The following THUMPD2 variants were observed in gnomAD, a reference collection of about 807,000 sequenced individuals.
THUMPD2 encodes U6 snRNA (guanine-N(2))-methyltransferase THUMPD2.
A neutral mutation model predicts 49.4 loss-of-function variants in THUMPD2; 56 were observed. The ratio of observed to expected loss-of-function variants is 1.13; its 90% CI spans 0.91 to 1.41. The LOEUF (loss-of-function observed/expected upper bound fraction) is 1.41, where lower values mean the gene tolerates loss of function less well. Among genes scored for constraint, THUMPD2 ranks in the 40% most tolerant of loss-of-function variants. The pLI, the probability that THUMPD2 is intolerant of heterozygous loss-of-function variation, is 0.00. For missense variants in THUMPD2, 709 were observed against 594.5 expected (o/e 1.19, Z -2.00); for synonymous variants, 237 against 205.2 (o/e 1.15, Z -1.32).
At position 39,769,881 on chromosome 2, in the gene THUMPD2, T is replaced by C; in HGVS notation, c.501A>G (p.Ile167Met). The part of the protein sequence containing the change: ...ENRDCQLEKQ[I>M]KEETLEQRDF... Reference sequence around the variant, plus strand: ...CTCTTTGCTCCAGAGTTTCTTCTTTTATTTGTTTTTCCAGCTGGCAGTCCC... The same window carrying C: ...CTCTTTGCTCCAGAGTTTCTTCTTTCATTTGTTTTTCCAGCTGGCAGTCCC... Residue 167 changes from isoleucine to methionine, a missense_variant, in exon 3 of 10, where the codon ATA becomes ATG. Transcript: ENST00000505747. 1.2e-6 allele frequency: 2 copies of C among 1,600,340 alleles called. No individual in the cohort carries two copies. The highest frequency in any genetic ancestry group is 1.1e-5 in the South Asian group (1 of 87,594).
intron 6 of THUMPD2, among the ~76,000 whole-genome samples, chr2:39,759,224 A>C (rs767740069): frequency 6.6e-6 from 1 of 152,148 alleles, no homozygotes; most frequent in Admixed American, 6.5e-5. Context: ...GCAATAATTA[A>C]ATAATGGAAG....
At chr2:39,760,511 T>C (rs188172630) in intron 6 of THUMPD2, among the ~76,000 whole-genome samples, 1 of 152,044 alleles carries the variant, frequency 6.6e-6, no homozygotes, top group African/African-American at 2.4e-5. Flanking sequence ...GTGTGAGAAG[T>C]TATGAACAGA....
chr2:39,737,031 A>G lies in THUMPD2; in HGVS notation c.1216T>C (p.Leu406=). 2 of 1,611,318 alleles carry G rather than the reference A, an allele frequency of 1.2e-6. No individual in the cohort carries two copies. Among genetic ancestry groups the G allele is most frequent in the Non-Finnish European group, 8.5e-7 (1 of 1,177,794 alleles). The part of the protein sequence containing the change: ...RVLHVGGTIV[L]LLSEDHHRRL... ...CTGTGGTGATCTTCACTAAGCAACA[A>G]TACAATGGTTCCGCCAACATGAAGC... Residue 406 remains leucine, a synonymous_variant, in exon 10 of 10, where the codon TTG becomes CTG. Transcript: ENST00000505747.
chr2:39,739,873 T>A (rs941932927), intron 9 of THUMPD2, among the ~76,000 whole-genome samples: 1 of 152,170 alleles, frequency 6.6e-6, no homozygotes, highest in Non-Finnish European at 1.5e-5. Context: ...GAAGTAACTT[T>A]TTGGGGCAAC....
intron 6 of THUMPD2, among the ~76,000 whole-genome samples, chr2:39,759,425 C>T (rs1346501429): frequency 1.3e-5 from 2 of 151,962 alleles, no homozygotes; most frequent in Admixed American, 1.3e-4. Context: ...AATGCTAATT[C>T]ATTTAATCTT....
chr2:39,777,810 G>A (rs183656093), intron 1 of THUMPD2, among the ~76,000 whole-genome samples: 11 of 152,254 alleles, frequency 7.2e-5, no homozygotes, highest in Admixed American at 3.3e-4. Flanking sequence ...TGGTAATAAA[G>A]TTTTCCCCAT....
At chr2:39,740,330 TAAC>T (rs1216419542) in intron 9 of THUMPD2, among the ~76,000 whole-genome samples, 1 of 152,218 alleles carries the variant, frequency 6.6e-6, no homozygotes, top group African/African-American at 2.4e-5. Flanking sequence ...ATGTATATTG[TAAC>T]AACTGATCAG....
chr2:39,774,934 AT>A (rs1175973208), intron 1 of THUMPD2, among the ~76,000 whole-genome samples: 1 of 152,180 alleles, frequency 6.6e-6, no homozygotes, highest in Non-Finnish European at 1.5e-5. Context: ...TCTAAACAGC[AT>A]TTTTCCTTTC....
intron 5 of THUMPD2, among the ~76,000 whole-genome samples, chr2:39,763,592 A>T (rs1677114578): frequency 6.6e-6 from 1 of 152,138 alleles, no homozygotes; most frequent in African/African-American, 2.4e-5. Context: ...TAGACTCCTT[A>T]ACTATTTTTT....
chr2:39,742,784 C>G (rs977850166), intron 9 of THUMPD2, among the ~76,000 whole-genome samples: 1 of 152,100 alleles, frequency 6.6e-6, no homozygotes, highest in Non-Finnish European at 1.5e-5. Context: ...ATTAAGTTAG[C>G]GCCTTCGTGG....
intron 3 of THUMPD2, 36 bp from the exon 4 acceptor site, chr2:39,768,537 A>C: frequency 6.4e-7 from 1 of 1,553,178 alleles, no homozygotes; most frequent in Non-Finnish European, 8.8e-7. Flanking sequence ...AGAATACTAA[A>C]AATGAAAATT....
In THUMPD2 at chr2:39,779,212, A is replaced by C. The variant is rs1427788588; in HGVS notation, c.28T>G (p.Ser10Ala). 6.6e-7 allele frequency: 1 copy of C among 1,504,412 alleles called. No homozygotes were observed. Among genetic ancestry groups the C allele is most frequent in the Non-Finnish European group, 8.8e-7 (1 of 1,132,658 alleles). The allele number at this position is 1,504,412 out of a possible 1,614,324, so 93.2% of individuals were successfully genotyped here. ...AATCGGGCGCCAGCCTCAGGCCCGGACCCTGGCTCTCCACGCGCCTCCGAC... is the reference window on the plus strand; with the variant it reads ...AATCGGGCGCCAGCCTCAGGCCCGGCCCCTGGCTCTCCACGCGCCTCCGAC... Reference protein sequence around the residue: MSEARGEPGSGPEAGARFFC... With the variant: MSEARGEPGAGPEAGARFFC... Residue 10 changes from serine to alanine, a missense_variant, in exon 1 of 10, where the codon TCC (serine) becomes GCC (alanine). By Grantham distance (99) the Ser-to-Ala change is moderately conservative. Coordinates refer to ENST00000505747, the MANE Select transcript of THUMPD2 (RefSeq NM_025264.5).
At chr2:39,774,799 T>C (rs180694106) in intron 1 of THUMPD2, among the ~76,000 whole-genome samples, 16 of 152,284 alleles carry the variant, frequency 1.1e-4, no homozygotes, top group African/African-American at 3.6e-4. Flanking sequence ...ATATATACAA[T>C]CTGTTTTTTT....
At chr2:39,772,895 A>G (rs1572882417) in intron 1 of THUMPD2, among the ~76,000 whole-genome samples, 1 of 152,164 alleles carries the variant, frequency 6.6e-6, no homozygotes, top group South Asian at 2.1e-4. Flanking sequence ...TTGGAATGGT[A>G]ATTTCTGGGG....
At chr2:39,742,665 C>T (rs1459158882) in intron 9 of THUMPD2, among the ~76,000 whole-genome samples, 1 of 152,140 alleles carries the variant, frequency 6.6e-6, no homozygotes, top group Non-Finnish European at 1.5e-5. Context: ...GGTATAGATG[C>T]AGATTATCTA....
chr2:39,768,377 T>G, intron 4 of THUMPD2, 47 bp downstream of exon 4: 1 of 1,463,842 alleles, frequency 6.8e-7, no homozygotes, highest in Non-Finnish European at 9.5e-7. Flanking sequence ...ACACTGTCTT[T>G]AAAGAATTAG....
intron 8 of THUMPD2, among the ~76,000 whole-genome samples, chr2:39,751,579 A>G (rs1247292967): frequency 6.6e-6 from 1 of 152,110 alleles, no homozygotes; most frequent in Non-Finnish European, 1.5e-5. Context: ...ACTAATGACT[A>G]ATTGCTATTT....
Position 39,736,622 on chromosome 2 carries a change from G to T in THUMPD2, c.*113C>A. The T allele has an allele frequency of 1.1e-6, 1 of 903,388 alleles. No individual in the cohort carries two copies. The highest frequency in any genetic ancestry group is 1.6e-6 in the Non-Finnish European group (1 of 609,694). 56.0% of individuals were successfully genotyped at this position (903,388 alleles called of 1,614,324 possible). ...CATCAGCCACACCTCCTGTCTTTGG[G>T]GGAATTTGGTTACTTGGAGCTCTGT... On this transcript the variant is annotated 3_prime_UTR_variant, in exon 10 of 10. Transcript: ENST00000505747.
intron 1 of THUMPD2, among the ~76,000 whole-genome samples, chr2:39,773,560 TATATATATATTTATATTTTA>T (rs1678631523): frequency 2.6e-5 from 1 of 39,138 alleles, no homozygotes; most frequent in Non-Finnish European, 4.4e-5. Context: ...TATTTAAAAA[TATATATATATTTATATTTTA>T]AAAATATATA....
Sources: gnomAD v4.1 joint callset for allele counts (sites outside exome capture counted in the v4.1 genomes callset) on GRCh38, gnomAD v4.1.1 for gene constraint, MANE v1.5 for transcripts, NCBI Gene and HGNC (gene_info 2026-07-23, HGNC 2026-07-21) for gene names.